VAV2: variants seen among roughly 807,000 people sequenced by gnomAD.
VAV2 encodes the protein guanine nucleotide exchange factor VAV2.
A neutral mutation model predicts 132.5 loss-of-function variants in VAV2; 67 were observed. The ratio of observed to expected loss-of-function variants is 0.51; its 90% CI spans 0.42 to 0.62. The LOEUF is 0.62. VAV2 is among the 20% of genes least tolerant of loss of function. The pLI, the probability that VAV2 is intolerant of heterozygous loss-of-function variation, is 0.00. For synonymous variants in VAV2, 492 were observed against 443.5 expected, an observed-to-expected ratio of 1.11 and a Z score of -1.37; for missense variants, 938 against 1,153.6, an observed-to-expected ratio of 0.81 and a Z score of 2.71.
chr9:133,905,789 C>T (rs932575131), intron 2 of VAV2, among the ~76,000 whole-genome samples: 1 of 152,072 alleles, frequency 6.6e-6, no homozygotes, highest in African/African-American at 2.4e-5. Flanking sequence ...GTAATCCCAG[C>T]ACTTTGGGAG....
At chr9:133,812,878 C>T (rs192079956) in intron 4 of VAV2, among the ~76,000 whole-genome samples, 96 of 152,340 alleles carry the variant, frequency 6.3e-4, no homozygotes, top group African/African-American at 2.1e-3. Context: ...CTCCAAGACA[C>T]CCACCAGGAT....
intron 6 of VAV2, 79 bp from the exon 7 acceptor site, chr9:133,809,217 G>GCCACCT: frequency 8.0e-7 from 1 of 1,249,058 alleles, no homozygotes; most frequent in Non-Finnish European, 1.2e-6. Context: ...CGCGACACCC[G>GCCACCT]GACACCTCCA....
At chr9:133,892,270 G>A (rs1839008449) in intron 2 of VAV2, among the ~76,000 whole-genome samples, 1 of 151,656 alleles carries the variant, frequency 6.6e-6, no homozygotes, top group South Asian at 2.1e-4. Flanking sequence ...GTCCCGGGTT[G>A]GCTGCATGGG....
At chr9:133,807,902 CG>C (rs1308707336) in intron 7 of VAV2, among the ~76,000 whole-genome samples, 2 of 152,184 alleles carry the variant, frequency 1.3e-5, no homozygotes, top group African/African-American at 4.8e-5. Flanking sequence ...TCTGGAGGCC[CG>C]GCCACCCTCT....
chr9:133,829,891 C>CTTCCACACTCCCCA lies in VAV2; in HGVS notation c.449+4367_449+4380dup, dbSNP rs553780395. Among the ~76,000 whole-genome samples the CTTCCACACTCCCCA allele has an allele frequency of 4.0e-4, 61 of 152,324 alleles. 2 individuals carry two copies. The East Asian group carries it at 0.011, about 26-fold the overall frequency. ...ACACTGCCCTGAAACTGTCCTTCGG[C>CTTCCACACTCCCCA]TTCCACACTCCCCATGGGGCCTGGG... On this transcript the variant is annotated intron_variant, in intron 4 of 29. Coordinates refer to ENST00000371850, the MANE Select transcript of VAV2 (RefSeq NM_001134398.2).
At chr9:133,898,766 G>T (rs1839317539) in intron 2 of VAV2, among the ~76,000 whole-genome samples, 1 of 150,326 alleles carries the variant, frequency 6.7e-6, no homozygotes. Flanking sequence ...GGTTCCCCTG[G>T]TCAGAGCCAC....
In VAV2 at chr9:133,788,556, A is replaced by T. The variant is rs926633291; in HGVS notation, c.1275-70T>A. The T allele has an allele frequency of 6.4e-7, 1 of 1,563,636 alleles. No homozygotes were observed. Among genetic ancestry groups the T allele is most frequent in the South Asian group, 1.1e-5 (1 of 87,998 alleles). On this transcript the variant is annotated intron_variant, in intron 14 of 29. Coordinates refer to ENST00000371850, the MANE Select transcript of VAV2 (RefSeq NM_001134398.2). The surrounding 1 kb of genome is among the most constrained non-coding windows in gnomAD (Gnocchi z 5.3). ...TGCTCTGCTCCGAGGAGGCGGCAGGAGCTGAGCCTGAGGCTCTGGCACGCG... is the reference window on the plus strand; with the variant it reads ...TGCTCTGCTCCGAGGAGGCGGCAGGTGCTGAGCCTGAGGCTCTGGCACGCG...
At chr9:133,924,788 T>G (rs1031014724) in intron 2 of VAV2, among the ~76,000 whole-genome samples, 1 of 152,140 alleles carries the variant, frequency 6.6e-6, no homozygotes, top group Admixed American at 6.5e-5. Flanking sequence ...ACCATGAATA[T>G]TCACAGGAGC....
chr9:133,922,732 G>A (rs1840340090), intron 2 of VAV2, among the ~76,000 whole-genome samples: 1 of 152,122 alleles, frequency 6.6e-6, no homozygotes, highest in Non-Finnish European at 1.5e-5. Flanking sequence ...AAACATAAGA[G>A]CTAAAACTAT....
Position 133,794,184 on chromosome 9 carries a change from G to A in VAV2, c.1101+1484C>T, listed in dbSNP as rs967375277. On this transcript the variant is annotated intron_variant, in intron 12 of 29. Coordinates refer to ENST00000371850, the MANE Select transcript of VAV2 (RefSeq NM_001134398.2). This position sits in a 1 kb window ranked among gnomAD's most constrained non-coding sequence, Gnocchi z 4.6. ...TCACTGTCTCAGAGCCCCCGAGGAC[G>A]CATCCACGCTGGCTCACACACCGTG... 6.6e-6 allele frequency among the ~76,000 whole-genome samples: 1 copy of A among 152,142 alleles called. No homozygotes were observed. Among genetic ancestry groups the A allele is most frequent in the East Asian group, 1.9e-4 (1 of 5,182 alleles).
chr9:133,895,818 T>C (rs1001110054), intron 2 of VAV2, among the ~76,000 whole-genome samples: 3 of 152,318 alleles, frequency 2.0e-5, no homozygotes, highest in Admixed American at 6.5e-5. Flanking sequence ...ACAATGCTGC[T>C]ACTTTAAAAA....
At chr9:133,838,958 AGGTG>A (rs1258562582) in intron 3 of VAV2, among the ~76,000 whole-genome samples, 1 of 5,766 alleles carries the variant, frequency 1.7e-4, no homozygotes, top group Non-Finnish European at 3.6e-4. Flanking sequence ...GTGGGTGGGT[AGGTG>A]GGTGGGTGGA....
Position 133,857,624 on chromosome 9 carries a change from T to C in VAV2, c.380+3750A>G, listed in dbSNP as rs2131856662. Among the ~76,000 whole-genome samples the C allele has an allele frequency of 6.6e-6, 1 of 152,202 alleles. No homozygotes were observed. Among genetic ancestry groups the C allele is most frequent in the Non-Finnish European group, 1.5e-5 (1 of 68,014 alleles). On this transcript the variant is annotated intron_variant, in intron 3 of 29. Coordinates refer to ENST00000371850, the MANE Select transcript of VAV2 (RefSeq NM_001134398.2). The surrounding 1 kb of genome is among the most constrained non-coding windows in gnomAD (Gnocchi z 4.0). Reference sequence around the variant, plus strand: ...ACACTACAAAACGCTCGAAATGAAATAGTGTCTTGTGAAGTGCTGGTGGCT... The same window carrying C: ...ACACTACAAAACGCTCGAAATGAAACAGTGTCTTGTGAAGTGCTGGTGGCT...
At chr9:133,776,145 G>A (rs1588159178) in intron 23 of VAV2, 65 bp from the exon 24 acceptor site, 1 of 1,585,892 alleles carries the variant, frequency 6.3e-7, no homozygotes, top group Non-Finnish European at 8.6e-7. Flanking sequence ...GGCTCAGAGG[G>A]GGTCATTGTC....
chr9:133,880,126 C>T (rs1025791648), intron 2 of VAV2, among the ~76,000 whole-genome samples: 4 of 151,580 alleles, frequency 2.6e-5, no homozygotes, highest in East Asian at 1.9e-4. Context: ...GACCCACCTG[C>T]GCCGTCTGCA....
At chr9:133,801,999 G>A (rs1834946067) in intron 9 of VAV2, among the ~76,000 whole-genome samples, 1 of 152,080 alleles carries the variant, frequency 6.6e-6, no homozygotes. Flanking sequence ...CATTGTTACA[G>A]CCAAGCCAGG....
At chr9:133,801,519 G>A (rs879413594) in intron 9 of VAV2, among the ~76,000 whole-genome samples, 5 of 152,200 alleles carry the variant, frequency 3.3e-5, no homozygotes, top group South Asian at 2.1e-4. Context: ...CGAGGGGCCC[G>A]CGCCCTCTCT....
intron 4 of VAV2, among the ~76,000 whole-genome samples, chr9:133,816,746 A>G (rs1057379581): frequency 6.6e-6 from 1 of 152,210 alleles, no homozygotes; most frequent in Non-Finnish European, 1.5e-5. Flanking sequence ...GAAAACAAAC[A>G]AACAAACAAA....
intron 2 of VAV2, among the ~76,000 whole-genome samples, chr9:133,937,422 GTC>G (rs986949472): frequency 1.5e-3 from 66 of 45,122 alleles, no homozygotes; most frequent in African/African-American, 2.7e-3. Flanking sequence ...GAGACTGTAT[GTC>G]TGTGTGTGTG....
Sources: gnomAD v4.1 joint callset for allele counts (sites outside exome capture counted in the v4.1 genomes callset) on GRCh38, gnomAD v4.1.1 for gene constraint, Gnocchi (gnomAD v3.1) non-coding constraint, MANE v1.5 for transcripts, NCBI Gene and HGNC (gene_info 2026-07-23, HGNC 2026-07-21) for gene names.